PSMA5: variants seen among roughly 807,000 people sequenced by gnomAD.
The protein encoded by PSMA5 is proteasome 20S subunit alpha 5, also known as proteasome subunit alpha type-5.
In PSMA5, 3 loss-of-function variants were observed where a neutral mutation model predicts 34.5. That is an observed-to-expected ratio of 0.09 (90% CI 0.04 to 0.22). The LOEUF (loss-of-function observed/expected upper bound fraction) is 0.22, where lower values mean the gene tolerates loss of function less well. Among genes scored for constraint, PSMA5 ranks in the 10% least tolerant of loss-of-function variants. The pLI is 1.00. For missense variants in PSMA5, 120 were observed against 286.1 expected, an observed-to-expected ratio of 0.42 and a Z score of 4.19; for synonymous variants, 88 against 95.8, an observed-to-expected ratio of 0.92 and a Z score of 0.47.
chr1:109,423,142 T>C lies in PSMA5; in HGVS notation c.30-1216A>G, dbSNP rs747804439. ...AGACTTTACAACAGGTAACATGTCA[T>C]ATAGTAGTGCTTTTGGCCTGGCGTG... On this transcript the variant is annotated intron_variant, in intron 1 of 8. Transcript: ENST00000271308. Among the ~76,000 whole-genome samples, 45 of 152,216 alleles carry C rather than the reference T, an allele frequency of 3.0e-4. 1 individual carries two copies. The highest frequency in any genetic ancestry group is 6.5e-4 in the Admixed American group (10 of 15,280).
intron 2 of PSMA5, among the ~76,000 whole-genome samples, chr1:109,418,143 G>T (rs1460902730): frequency 6.6e-6 from 1 of 152,050 alleles, no homozygotes; most frequent in Non-Finnish European, 1.5e-5. Flanking sequence ...GAGCCTGGGA[G>T]GTTGAGGCTG....
At chr1:109,411,991 GA>G in intron 5 of PSMA5, 56 bp from the exon 6 acceptor site, 1 of 1,587,150 alleles carries the variant, frequency 6.3e-7, no homozygotes, top group Non-Finnish European at 8.7e-7. Context: ...AAGGAGGTGA[GA>G]GGGGCTGGGA....
chr1:109,407,057 G>T (rs562585877), intron 8 of PSMA5, among the ~76,000 whole-genome samples: 1 of 152,016 alleles, frequency 6.6e-6, no homozygotes, highest in Non-Finnish European at 1.5e-5. Flanking sequence ...GCATGATCTC[G>T]GCTCACTGCA....
At position 109,419,650 on chromosome 1, in the gene PSMA5, A is replaced by C. The variant is rs181705840; in HGVS notation, c.96+2210T>G. On this transcript the variant is annotated intron_variant, in intron 2 of 8. Coordinates refer to ENST00000271308, the MANE Select transcript of PSMA5 (RefSeq NM_002790.4). The stretch of plus-strand genomic sequence containing the variant: ...AAACACCATCTCTACTAAAAATACA[A>C]AAATTAGGTGTGGTGGCACGCGCCT... Among the ~76,000 whole-genome samples the C allele has an allele frequency of 2.0e-5, 3 of 151,952 alleles. No individual in the cohort carries two copies. The East Asian group carries it at 5.8e-4, about 29-fold the overall frequency.
intron 1 of PSMA5, among the ~76,000 whole-genome samples, chr1:109,422,221 T>C (rs147241531): frequency 1.3e-5 from 2 of 152,342 alleles, no homozygotes; most frequent in Non-Finnish European, 2.9e-5. Context: ...CCATTCTGAA[T>C]AGACTTACCA....
chr1:109,411,768 G>A, intron 6 of PSMA5, 109 bp downstream of exon 6: 1 of 1,065,470 alleles, frequency 9.4e-7, no homozygotes, highest in Admixed American at 2.0e-5. Flanking sequence ...GGGACTACAG[G>A]TGTGTGCTAA....
At chr1:109,411,754 A>T in intron 6 of PSMA5, 123 bp downstream of exon 6, 1 of 927,968 alleles carries the variant, frequency 1.1e-6, no homozygotes, top group Non-Finnish European at 1.7e-6. Context: ...GCCTTCAAGT[A>T]GCTGGGACTA....
chr1:109,402,273 A>C (rs1424121400), intron 8 of PSMA5, among the ~76,000 whole-genome samples, 183 bp from the exon 9 acceptor site: 1 of 152,202 alleles, frequency 6.6e-6, no homozygotes, highest in Non-Finnish European at 1.5e-5. Flanking sequence ...CAAAATAAAA[A>C]TGCTTATTGA....
intron 8 of PSMA5, among the ~76,000 whole-genome samples, chr1:109,404,409 G>A (rs915815544): frequency 3.3e-5 from 5 of 152,134 alleles, no homozygotes; most frequent in Admixed American, 2.6e-4. Flanking sequence ...AGAAATATAA[G>A]AGCAATAATC....
intron 8 of PSMA5, among the ~76,000 whole-genome samples, chr1:109,407,970 C>G (rs1215276556): frequency 6.6e-6 from 1 of 152,152 alleles, no homozygotes; most frequent in African/African-American, 2.4e-5. Context: ...TTACTCTTCC[C>G]TGTCTTCTCA....
At chr1:109,409,042 C>T (rs1020845923) in intron 8 of PSMA5, among the ~76,000 whole-genome samples, 1 of 152,036 alleles carries the variant, frequency 6.6e-6, no homozygotes, top group Non-Finnish European at 1.5e-5. Context: ...AAGACTTTTC[C>T]ACATCCTAAA....
chr1:109,424,406 T>C (rs1021979062), intron 1 of PSMA5, among the ~76,000 whole-genome samples: 1 of 152,152 alleles, frequency 6.6e-6, no homozygotes, highest in Non-Finnish European at 1.5e-5. Flanking sequence ...CTCCAACTCC[T>C]GAGCTCAGGC....
In PSMA5 at chr1:109,401,921, G is replaced by C. The variant is rs1169541923; in HGVS notation, c.*92C>G. 1 of 980,292 alleles carries C rather than the reference G, an allele frequency of 1.0e-6. No homozygotes were observed. Among genetic ancestry groups the C allele is most frequent in the African/African-American group, 1.7e-5 (1 of 60,078 alleles). The allele number at this position is 980,292 out of a possible 1,614,324, so 60.7% of individuals were successfully genotyped here. A position where few individuals can be genotyped will look rare whatever the true frequency, so the allele number is the denominator to read the frequency against. On this transcript the variant is annotated 3_prime_UTR_variant, in exon 9 of 9. Coordinates refer to ENST00000271308, the MANE Select transcript of PSMA5 (RefSeq NM_002790.4). ...TCATTTAAAAAATGCACATACAATGGAGATTTTCCAAGGAACAGGAGCTGG... is the reference window on the plus strand; with the variant it reads ...TCATTTAAAAAATGCACATACAATGCAGATTTTCCAAGGAACAGGAGCTGG...
chr1:109,413,191 T>C, intron 3 of PSMA5, 56 bp from the exon 4 acceptor site: 4 of 1,521,476 alleles, frequency 2.6e-6, no homozygotes, highest in Non-Finnish European at 3.6e-6. Context: ...AACTCTTTCA[T>C]CCACTCAGGA....
At chr1:109,406,970 G>T (rs979678550) in intron 8 of PSMA5, among the ~76,000 whole-genome samples, 5 of 152,172 alleles carry the variant, frequency 3.3e-5, no homozygotes, top group Admixed American at 3.3e-4. Context: ...AAAGAAAGAT[G>T]TAAGATGTAA....
At chr1:109,410,140 G>A in intron 7 of PSMA5, 126 bp from the exon 8 acceptor site, 2 of 651,298 alleles carry the variant, frequency 3.1e-6, no homozygotes, top group Non-Finnish European at 5.4e-6. Flanking sequence ...ACTTAGTATG[G>A]TGCATTACAA....
intron 3 of PSMA5, 68 bp from the exon 4 acceptor site, chr1:109,413,203 A>G: frequency 6.8e-7 from 1 of 1,467,480 alleles, no homozygotes; most frequent in Non-Finnish European, 9.5e-7. Context: ...CACTCAGGAA[A>G]TCCTGAAATT....
intron 2 of PSMA5, among the ~76,000 whole-genome samples, chr1:109,416,538 AT>A (rs1654204703): frequency 6.6e-6 from 1 of 152,182 alleles, no homozygotes; most frequent in Non-Finnish European, 1.5e-5. Context: ...ATTCCATTAT[AT>A]TTAGTTATTT....
intron 8 of PSMA5, 76 bp downstream of exon 8, chr1:109,409,852 C>G (rs1302627629): frequency 9.8e-7 from 1 of 1,024,508 alleles, no homozygotes; most frequent in African/African-American, 1.6e-5. Flanking sequence ...AGTTCAAGAC[C>G]AGTCTAGGCA....
Sources: allele counts gnomAD v4.1 joint callset (sites outside exome capture counted in the v4.1 genomes callset), GRCh38; gene constraint gnomAD v4.1.1; transcripts MANE v1.5; gene names NCBI Gene and HGNC (gene_info 2026-07-23, HGNC 2026-07-21).